PCCA: variants seen among roughly 807,000 people sequenced by gnomAD.
PCCA encodes the protein propionyl-CoA carboxylase alpha chain, mitochondrial.
In PCCA, 74 loss-of-function variants were observed where a neutral mutation model predicts 101.3. That is an observed-to-expected ratio of 0.73 (90% confidence interval 0.61 to 0.89). The LOEUF is 0.89. PCCA is among the 40% of genes least tolerant of loss of function. The pLI, the probability that PCCA is intolerant of heterozygous loss-of-function variation, is 0.00. For missense variants in PCCA, 891 were observed against 907.0 expected (o/e 0.98, Z 0.23); for synonymous variants, 294 against 313.6 (o/e 0.94, Z 0.66).
At chr13:100,139,536 T>C (rs537817875) in intron 4 of PCCA, among the ~76,000 whole-genome samples, 2 of 152,114 alleles carry the variant, frequency 1.3e-5, no homozygotes, top group Non-Finnish European at 2.9e-5. Context: ...ATGTTTTTTT[T>C]AATTTGATTA....
chr13:100,241,503 C>T (rs1243856296), intron 8 of PCCA, among the ~76,000 whole-genome samples: 5 of 152,136 alleles, frequency 3.3e-5, no homozygotes, highest in Non-Finnish European at 7.3e-5. Context: ...TAGGGTCTCG[C>T]TCTTTTACCC....
intron 21 of PCCA, among the ~76,000 whole-genome samples, chr13:100,498,437 C>T (rs1411447989): frequency 1.3e-5 from 2 of 152,020 alleles, no homozygotes; most frequent in Non-Finnish European, 1.5e-5. Context: ...GACTGAAGAG[C>T]CTGCAAATGA....
chr13:100,264,020 C>T (rs2062735481), intron 10 of PCCA, among the ~76,000 whole-genome samples: 1 of 147,364 alleles, frequency 6.8e-6, no homozygotes, highest in Non-Finnish European at 1.5e-5. Flanking sequence ...TATACGGTAT[C>T]TGTATATCGT....
Position 100,151,791 on chromosome 13 carries a change from A to T in PCCA, c.301-3188A>T, listed in dbSNP as rs76442532. Among the ~76,000 whole-genome samples, 1,159 of 152,306 alleles carry T rather than the reference A, an allele frequency of 7.6e-3. 14 individuals are homozygous for T. Among genetic ancestry groups the T allele is most frequent in the African/African-American group, 0.027 (1,106 of 41,552 alleles). On this transcript the variant is annotated intron_variant, in intron 4 of 23. Transcript: ENST00000376285. ...AACATATAGCCAGTAAATCCTGCTT[A>T]GTTGATTAGTGTACCTCAGTTTAAA...
At chr13:100,462,864 G>A (rs1006295086) in intron 21 of PCCA, among the ~76,000 whole-genome samples, 2 of 152,222 alleles carry the variant, frequency 1.3e-5, no homozygotes, top group African/African-American at 4.8e-5. Context: ...TGATTACCGT[G>A]ATAAGAACGC....
In PCCA at chr13:100,154,957, A is replaced by G. The variant is rs201145987; in HGVS notation, c.301-22A>G. On this transcript the variant is annotated intron_variant, in intron 4 of 23. Coordinates refer to ENST00000376285, the MANE Select transcript of PCCA (RefSeq NM_000282.4). Reference sequence around the variant, plus strand: ...TTCTTTTTGCTGGGCGCATCTGTTAATGCAGAAATTTGTCTCCTCAGGTTC... The same window carrying G: ...TTCTTTTTGCTGGGCGCATCTGTTAGTGCAGAAATTTGTCTCCTCAGGTTC... 48 of 1,524,252 alleles carry G rather than the reference A, an allele frequency of 3.1e-5. No individual in the cohort carries two copies. In the East Asian group the frequency reaches 1.0e-3, roughly 32 times the overall value. 94.4% of individuals were successfully genotyped at this position (1,524,252 alleles called of 1,614,324 possible).
intron 21 of PCCA, among the ~76,000 whole-genome samples, chr13:100,489,289 C>T (rs1270853481): frequency 1.3e-5 from 2 of 151,656 alleles, no homozygotes; most frequent in African/African-American, 4.9e-5. Context: ...GCCTGGGCGA[C>T]AGAGCGAGAC....
At chr13:100,119,211 T>C (rs891256006) in intron 4 of PCCA, among the ~76,000 whole-genome samples, 28 of 152,292 alleles carry the variant, frequency 1.8e-4, no homozygotes, top group African/African-American at 6.7e-4. Context: ...AGGCCTTTAG[T>C]ATATTTATTT....
At chr13:100,367,055 G>C (rs897285855) in intron 18 of PCCA, among the ~76,000 whole-genome samples, 1 of 151,922 alleles carries the variant, frequency 6.6e-6, no homozygotes, top group African/African-American at 2.4e-5. Flanking sequence ...TCAGAACTGT[G>C]GTTTAAGCTG....
intron 20 of PCCA, among the ~76,000 whole-genome samples, chr13:100,447,257 G>A (rs1230846513): frequency 1.3e-5 from 2 of 151,818 alleles, no homozygotes; most frequent in Admixed American, 6.6e-5. Context: ...GGTGGGAGAT[G>A]CCTATAGTCC....
At chr13:100,275,504 A>G (rs2063589863) in intron 12 of PCCA, among the ~76,000 whole-genome samples, 1 of 152,148 alleles carries the variant, frequency 6.6e-6, no homozygotes, top group South Asian at 2.1e-4. Flanking sequence ...ACCTGTTTGA[A>G]GACAGTTCAC....
intron 4 of PCCA, among the ~76,000 whole-genome samples, chr13:100,116,723 T>C (rs979229347): frequency 4.6e-5 from 7 of 152,080 alleles, no homozygotes; most frequent in Non-Finnish European, 1.0e-4. Flanking sequence ...AGGAGTGGAG[T>C]AGCTGGGTCT....
At chr13:100,259,695 TC>T (rs2062346936) in intron 9 of PCCA, among the ~76,000 whole-genome samples, 1 of 152,184 alleles carries the variant, frequency 6.6e-6, no homozygotes, top group South Asian at 2.1e-4. Context: ...TTAGATATTT[TC>T]ATAGTAATCT....
At chr13:100,159,046 C>G (rs1483018356) in intron 6 of PCCA, among the ~76,000 whole-genome samples, 1 of 139,168 alleles carries the variant, frequency 7.2e-6, no homozygotes, top group Non-Finnish European at 1.5e-5. Context: ...ATATTATATA[C>G]AGTTTATGCA....
At chr13:100,526,524 G>A (rs1368054452) in intron 22 of PCCA, among the ~76,000 whole-genome samples, 1 of 152,234 alleles carries the variant, frequency 6.6e-6, no homozygotes, top group African/African-American at 2.4e-5. Flanking sequence ...GGCCAGAGGG[G>A]GACTTGGAGA....
At chr13:100,402,260 G>GTTTTTTT (rs888386767) in intron 19 of PCCA, among the ~76,000 whole-genome samples, 1 of 143,952 alleles carries the variant, frequency 6.9e-6, no homozygotes, top group Admixed American at 6.9e-5. Context: ...TTTGTTTTTT[G>GTTTTTTT]TTTTTTTTTT....
chr13:100,344,130 C>A (rs1233689647), intron 18 of PCCA, among the ~76,000 whole-genome samples: 1 of 152,098 alleles, frequency 6.6e-6, no homozygotes, highest in Non-Finnish European at 1.5e-5. Context: ...TATCTTAATG[C>A]AACTTAAAAA....
intron 21 of PCCA, among the ~76,000 whole-genome samples, chr13:100,478,413 C>T (rs1037326259): frequency 6.6e-6 from 1 of 152,200 alleles, no homozygotes; most frequent in Non-Finnish European, 1.5e-5. Context: ...GGAACTGTAG[C>T]TTCTCAGCCC....
intron 18 of PCCA, among the ~76,000 whole-genome samples, chr13:100,348,773 TTTC>T (rs1445330391): frequency 1.0e-5 from 1 of 96,572 alleles, no homozygotes; most frequent in Non-Finnish European, 2.1e-5. Flanking sequence ...TCTTTCTTTC[TTTC>T]TTTCTTTCTT....
Sources: allele counts gnomAD v4.1 joint callset (sites outside exome capture counted in the v4.1 genomes callset), GRCh38; gene constraint gnomAD v4.1.1; transcripts MANE v1.5; gene names NCBI Gene and HGNC (gene_info 2026-07-23, HGNC 2026-07-21).